The following SNX9 variants were observed in gnomAD, a reference collection of about 807,000 sequenced individuals.
SNX9 encodes sorting nexin-9.
In SNX9, 44 loss-of-function variants were observed where a neutral mutation model predicts 89.4. That is an observed-to-expected ratio of 0.49 (90% CI 0.39 to 0.63). SNX9 has a LOEUF of 0.63. Among genes scored for constraint, SNX9 ranks in the 30% least tolerant of loss-of-function variants. The pLI, the probability that SNX9 is intolerant of heterozygous loss-of-function variation, is 0.00. For synonymous variants in SNX9, 236 were observed against 247.8 expected, an observed-to-expected ratio of 0.95 and a Z score of 0.45; for missense variants, 578 against 736.1, an observed-to-expected ratio of 0.79 and a Z score of 2.49.
At chr6:157,844,600 G>GTTGTTTTTTTTTTTTT (rs1781767274) in intron 1 of SNX9, among the ~76,000 whole-genome samples, 2 of 131,806 alleles carry the variant, frequency 1.5e-5, no homozygotes, top group East Asian at 4.5e-4. Flanking sequence ...TTTTTTTTTT[G>GTTGTTTTTTTTTTTTT]TTTTTTTTTT....
chr6:157,897,330 A>G (rs1783000985), intron 5 of SNX9, among the ~76,000 whole-genome samples: 1 of 152,190 alleles, frequency 6.6e-6, no homozygotes, highest in African/African-American at 2.4e-5. Flanking sequence ...AGCTCAATTT[A>G]CAGGATGCAA....
chr6:157,941,731 C>A (rs1784040169), intron 17 of SNX9, among the ~76,000 whole-genome samples: 1 of 152,208 alleles, frequency 6.6e-6, no homozygotes, highest in African/African-American at 2.4e-5. Flanking sequence ...GAGCTGGACA[C>A]TGCTGAAAAC....
At position 157,823,490 on chromosome 6, in the gene SNX9, G is replaced by A; in HGVS notation, c.12+44G>A. The A allele has an allele frequency of 8.5e-7, 1 of 1,174,086 alleles. No individual in the cohort carries two copies. The highest frequency in any genetic ancestry group is 4.6e-5 in the Admixed American group (1 of 21,528). The allele number at this position is 1,174,086 out of a possible 1,614,324, so 72.7% of individuals were successfully genotyped here. ...AGGCCGGGCCGGTCGCTCAGGCCCG[G>A]GGCGGCGCGGAGAGGGTCGGGGCCG... is the stretch of plus-strand genomic sequence containing the variant. On this transcript the variant is annotated intron_variant, in intron 1 of 17. Transcript: ENST00000392185. This position sits in a 1 kb window ranked among gnomAD's most constrained non-coding sequence, Gnocchi z 4.6.
chr6:157,866,159 C>T (rs1782256602), intron 1 of SNX9, among the ~76,000 whole-genome samples: 1 of 152,152 alleles, frequency 6.6e-6, no homozygotes, highest in African/African-American at 2.4e-5. Flanking sequence ...GATACATGCA[C>T]AGCAGTGTTC....
At chr6:157,915,699 C>G (rs2115186022) in intron 9 of SNX9, among the ~76,000 whole-genome samples, 1 of 146,566 alleles carries the variant, frequency 6.8e-6, no homozygotes, top group East Asian at 2.0e-4. Flanking sequence ...GTGGCACACA[C>G]CTGTAGTCCC....
At chr6:157,873,212 T>C in intron 3 of SNX9, 36 bp downstream of exon 3, 1 of 1,478,148 alleles carries the variant, frequency 6.8e-7, no homozygotes, top group African/African-American at 1.4e-5. Context: ...TTAGAGCTCA[T>C]CTTTGCCAGG....
chr6:157,902,150 A>G, intron 6 of SNX9, 105 bp downstream of exon 6: 1 of 1,024,518 alleles, frequency 9.8e-7, no homozygotes, highest in Non-Finnish European at 1.3e-6. Context: ...CTTTCCAGTG[A>G]TCTCCTAAGT....
At chr6:157,830,345 C>G (rs1781457262) in intron 1 of SNX9, 1 of 152,194 alleles carries the variant, frequency 6.6e-6, no homozygotes, top group Non-Finnish European at 1.5e-5. Flanking sequence ...GCATTTTCTC[C>G]TAGTACAATG....
At chr6:157,862,140 A>T (rs1180605892) in intron 1 of SNX9, among the ~76,000 whole-genome samples, 1 of 152,354 alleles carries the variant, frequency 6.6e-6, no homozygotes, top group Non-Finnish European at 1.5e-5. Flanking sequence ...ATAGCAGTTC[A>T]CTGAAACCGA....
chr6:157,933,236 G>T (rs959004504), intron 13 of SNX9, among the ~76,000 whole-genome samples: 2 of 152,150 alleles, frequency 1.3e-5, no homozygotes, highest in African/African-American at 4.8e-5. Context: ...CGAGGCTATA[G>T]TGTGCCATGA....
intron 4 of SNX9, among the ~76,000 whole-genome samples, chr6:157,895,032 A>T (rs1435631075): frequency 6.6e-6 from 1 of 152,176 alleles, no homozygotes; most frequent in Non-Finnish European, 1.5e-5. Flanking sequence ...AGTCACATAT[A>T]TTTAGGAGTT....
chr6:157,834,150 GTTTTTTTTTTTT>G (rs561509955), intron 1 of SNX9, among the ~76,000 whole-genome samples: 1,376 of 35,450 alleles, frequency 0.039, 11 homozygotes, highest in African/African-American at 0.11. Context: ...GTCCACTGTG[GTTTTTTTTTTTT>G]TTTTTTTTTT....
rs1784084417 is a variant in SNX9 at position 157,943,422 on chromosome 6, G to C, written c.*584G>C. 6.6e-6 allele frequency: 1 copy of C among 152,338 alleles called. No individual in the cohort carries two copies. The highest frequency in any genetic ancestry group is 6.5e-5 in the Admixed American group (1 of 15,288). The allele number at this position is 152,338 out of a possible 1,614,324, so 9.4% of individuals were successfully genotyped here. A position where few individuals can be genotyped will look rare whatever the true frequency, so the allele number is the denominator to read the frequency against. ...AAGAGGGAGGACGCTGGGGGCCCCT[G>C]GGGCTGCTAGTGCCATCGTGGTGTG... On this transcript the variant is annotated 3_prime_UTR_variant, in exon 18 of 18. Transcript: ENST00000392185.
At chr6:157,861,228 T>G (rs1782112662) in intron 1 of SNX9, among the ~76,000 whole-genome samples, 1 of 152,240 alleles carries the variant, frequency 6.6e-6, no homozygotes, top group African/African-American at 2.4e-5. Flanking sequence ...TCATCTTGAC[T>G]ATACTTTTGA....
chr6:157,838,565 G>C (rs1049979143), intron 1 of SNX9, among the ~76,000 whole-genome samples: 7 of 152,082 alleles, frequency 4.6e-5, no homozygotes, highest in Admixed American at 3.3e-4. Context: ...GGAAACTTAA[G>C]AGTAAAAATA....
Position 157,899,023 on chromosome 6 carries a change from A to G in SNX9, c.472+2025A>G, listed in dbSNP as rs1179940796. 2.7e-5 allele frequency among the ~76,000 whole-genome samples: 4 copies of G among 149,766 alleles called. No individual in the cohort carries two copies. In the East Asian group the frequency reaches 5.8e-4, roughly 22 times the overall value. The stretch of plus-strand genomic sequence containing the variant: ...CATAATGGCACTCTTAGGACCTGAC[A>G]CTAAAGGACACTCAGGCCGTTAGAG... On this transcript the variant is annotated intron_variant, in intron 5 of 17. Coordinates refer to ENST00000392185, the MANE Select transcript of SNX9 (RefSeq NM_016224.5).
intron 2 of SNX9, among the ~76,000 whole-genome samples, chr6:157,869,222 A>G (rs1782337532): frequency 6.6e-6 from 1 of 151,832 alleles, no homozygotes; most frequent in Non-Finnish European, 1.5e-5. Context: ...TGGGGTTCCC[A>G]CGTCATTCCA....
intron 15 of SNX9, among the ~76,000 whole-genome samples, chr6:157,938,237 A>AT (rs1432093423): frequency 6.6e-6 from 1 of 152,230 alleles, no homozygotes; most frequent in African/African-American, 2.4e-5. Context: ...ATTCTGTTGT[A>AT]TAAAAAAAGA....
intron 9 of SNX9, among the ~76,000 whole-genome samples, chr6:157,912,192 A>G (rs1783362563): frequency 6.6e-6 from 1 of 152,266 alleles, no homozygotes; most frequent in African/African-American, 2.4e-5. Flanking sequence ...GTTCTGCCAT[A>G]TAAAATTATA....
Sources: allele counts gnomAD v4.1 joint callset (sites outside exome capture counted in the v4.1 genomes callset), GRCh38; gene constraint gnomAD v4.1.1; non-coding constraint Gnocchi (gnomAD v3.1); transcripts MANE v1.5; gene names NCBI Gene and HGNC (gene_info 2026-07-23, HGNC 2026-07-21).